Variants in APOB observed in about 807,000 individuals in gnomAD.
The protein encoded by APOB is apolipoprotein B, also known as apolipoprotein B-100.
A neutral mutation model predicts 314.1 loss-of-function variants in APOB; 153 were observed. That is an observed-to-expected ratio of 0.49 (90% CI 0.43 to 0.56). The LOEUF is 0.56. Ranked by LOEUF, APOB falls within the 20% of genes least tolerant of loss-of-function variation. The pLI is 0.00. For synonymous variants in APOB, 2,087 were observed against 2,036.4 expected, an observed-to-expected ratio of 1.02 and a Z score of -0.67; for missense variants, 5,430 against 5,350.7, an observed-to-expected ratio of 1.01 and a Z score of -0.46.
intron 27 of APOB, 48 bp downstream of exon 27, chr2:21,004,513 A>T (rs772889253): frequency 6.2e-7 from 1 of 1,612,538 alleles, no homozygotes; most frequent in South Asian, 1.1e-5. Context: ...GAAAATCACA[A>T]TGAGTTTTCA....
chr2:21,040,970 C>A lies in APOB; in HGVS notation c.351G>T (p.Lys117Asn). The A allele has an allele frequency of 3.7e-6, 6 of 1,614,082 alleles. No individual in the cohort carries two copies. Among genetic ancestry groups the A allele is most frequent in the Non-Finnish European group, 5.1e-6 (6 of 1,180,040 alleles). The change falls in exon 4 of 29, where the codon AAG (lysine) becomes AAT (asparagine). Residue 117 changes from lysine to asparagine, a missense_variant. Physicochemically the swap from Lys to Asn is moderately conservative, Grantham distance 94. Around this residue, in one of 3 missense-constraint regions of APOB, gnomAD observed 2,085 missense variants for 2,079.7 expected, o/e 1.00. Coordinates refer to ENST00000233242, the MANE Select transcript of APOB (RefSeq NM_000384.3). ...PEGKALLKKT[K>N]NSEEFAAAMS... ...TGGCTGCAGCAAACTCCTCAGAGTT[C>A]TTGGTTTTCTTCAGCAAGGCTTTGC...
At chr2:21,020,308 C>T (rs1663576160) in intron 18 of APOB, among the ~76,000 whole-genome samples, 1 of 152,192 alleles carries the variant, frequency 6.6e-6, no homozygotes. Flanking sequence ...TGCTTCCTTC[C>T]ACCTGCATTA....
In APOB at chr2:21,010,323, T is replaced by A; in HGVS notation, c.6545A>T (p.Asp2182Val). The change falls in exon 26 of 29, where the codon GAT becomes GTT. Residue 2182 changes from aspartate to valine, a missense_variant. Transcript: ENST00000233242. The part of the protein sequence containing the change: ...SQLQTYMIQF[D>V]QYIKDSYDLH... ...ATCATAACTATCTTTAATATACTGA[T>A]CAAATTGTATCATATATGTCTGCAG... 1 of 1,555,044 alleles carries A rather than the reference T, an allele frequency of 6.4e-7. No homozygotes were observed. Among genetic ancestry groups the A allele is most frequent in the Non-Finnish European group, 8.7e-7 (1 of 1,151,354 alleles).
chr2:21,026,291 G>A (rs181361816), intron 15 of APOB, among the ~76,000 whole-genome samples: 11 of 151,374 alleles, frequency 7.3e-5, no homozygotes, highest in African/African-American at 1.9e-4. Context: ...ACTGTCACCC[G>A]GGCTGGAGTG....
At chr2:21,030,963 T>C (rs907873764) in intron 10 of APOB, among the ~76,000 whole-genome samples, 2 of 152,132 alleles carry the variant, frequency 1.3e-5, no homozygotes, top group Non-Finnish European at 2.9e-5. Flanking sequence ...CAGTTGTTGG[T>C]GAGGATACAG....
rs768889458 is a variant in APOB, at chr2:21,024,990, C to A, written c.2379G>T (p.Gln793His). The change falls in exon 16 of 29, where the codon CAG becomes CAT. Residue 793 changes from glutamine (Q) to histidine (H), a missense_variant. Around this residue, in one of 3 missense-constraint regions of APOB, gnomAD observed 2,085 missense variants for 2,079.7 expected, o/e 1.00. Transcript: ENST00000233242. ...CCATCAGAAGCAGCTTTCCCAGGAG[C>A]TGGAGGTCATGGAGACTGGCAAAAC... ...ELGFASLHDLQLLGKLLLMGA... is the reference protein window; with the variant it reads ...ELGFASLHDLHLLGKLLLMGA... 6.2e-7 allele frequency: 1 copy of A among 1,614,228 alleles called. No homozygotes were observed. The highest frequency in any genetic ancestry group is 8.5e-7 in the Non-Finnish European group (1 of 1,180,038).
At chr2:21,017,364 A>C (rs1572789528) in intron 20 of APOB, among the ~76,000 whole-genome samples, 1 of 152,174 alleles carries the variant, frequency 6.6e-6, no homozygotes, top group African/African-American at 2.4e-5. Context: ...GATGGTAATG[A>C]ATGTTATGAA....
Position 21,009,418 on chromosome 2 carries a change from G to A in APOB, c.7450C>T (p.Leu2484=). Residue 2484 remains leucine, a synonymous_variant, in exon 26 of 29, where the codon CTA becomes TTA. Transcript: ENST00000233242. ...KATVAVYLES[L]QDTKITLIIN... is the part of the protein sequence containing the mutation. ...ATTAAGGTTATTTTGGTGTCCTGTA[G>A]GCTTTCCAGATACACTGCAACTGTG... The A allele has an allele frequency of 1.2e-6, 2 of 1,614,026 alleles. No homozygotes were observed. Among genetic ancestry groups the A allele is most frequent in the Non-Finnish European group, 8.5e-7 (1 of 1,179,958 alleles).
At position 21,016,500 on chromosome 2, in the gene APOB, T is replaced by C. The variant is rs368122382; in HGVS notation, c.3271A>G (p.Arg1091Gly). ...DESTEGKTSY[R>G]LTLDIQNKKI... is the part of the protein sequence containing the mutation. ...TTGTTCTGAATGTCCAGGGTGAGTC[T>C]GTAAGACGTTTTGCCCTCAGTAGAT... The change falls in exon 21 of 29, where the codon AGA becomes GGA. Residue 1091 changes from arginine (R) to glycine (G), a missense_variant. By Grantham distance (125) the Arg-to-Gly change is moderately radical. Transcript: ENST00000233242. The C allele has an allele frequency of 3.3e-5, 53 of 1,611,572 alleles. No homozygotes were observed. The highest frequency in any genetic ancestry group is 4.2e-5 in the Non-Finnish European group (50 of 1,177,774).
At position 21,043,856 on chromosome 2, in the gene APOB, G is replaced by A; in HGVS notation, c.82+8C>T. The A allele has an allele frequency of 6.6e-7, 1 of 1,520,782 alleles. No homozygotes were observed. The highest frequency in any genetic ancestry group is 8.8e-7 in the Non-Finnish European group (1 of 1,139,838). The allele number at this position is 1,520,782 out of a possible 1,614,324, so 94.2% of individuals were successfully genotyped here. ...CCCTCTGCGCCCGCAGAGCGGCCGC[G>A]CACTCACCGGCCCTGGCGCCCGCCA... On this transcript the variant is annotated splice_region_variant and intron_variant, in intron 1 of 28. Coordinates refer to ENST00000233242, the MANE Select transcript of APOB (RefSeq NM_000384.3).
intron 8 of APOB, 150 bp downstream of exon 8, chr2:21,034,666 A>T: frequency 1.4e-6 from 1 of 711,676 alleles, no homozygotes; most frequent in Admixed American, 1.9e-5. Flanking sequence ...TCATGAAATG[A>T]GTTTGCTTTC....
At position 21,014,461 on chromosome 2, in the gene APOB, G is replaced by C; in HGVS notation, c.3829C>G (p.Leu1277Val). 1 of 1,614,134 alleles carries C rather than the reference G, an allele frequency of 6.2e-7. No individual in the cohort carries two copies. The highest frequency in any genetic ancestry group is 8.5e-7 in the Non-Finnish European group (1 of 1,180,014). The change falls in exon 24 of 29, where the codon CTC becomes GTC. Residue 1277 changes from leucine (L) to valine (V), a missense_variant. Leu to Val is a conservative substitution (Grantham distance 32). This residue lies in a region of APOB where 2,085 missense variants were observed against 2,079.7 expected (regional missense o/e 1.00). Coordinates refer to ENST00000233242, the MANE Select transcript of APOB (RefSeq NM_000384.3). ...TTCTTCTTTTACCTTTTTAAGAAGAGGTTTTCTGGGATGTGGAAGTCTGGC... is the reference window on the plus strand; with the variant it reads ...TTCTTCTTTTACCTTTTTAAGAAGACGTTTTCTGGGATGTGGAAGTCTGGC... ...GLPDFHIPEN[L>V]FLKSDGRVKY...
rs746553266 is a variant in APOB, at chr2:21,014,558, A to T, written c.3732T>A (p.Ser1244Arg). Residue 1244 changes from serine to arginine, a missense_variant, in exon 24 of 29, where the codon AGT becomes AGA. Coordinates refer to ENST00000233242, the MANE Select transcript of APOB (RefSeq NM_000384.3). The part of the protein sequence containing the change: ...MSSWLQKASG[S>R]LPYTQTLQDH... ...CTTGCAAAGTCTGGGTATAAGGAAG[A>T]CTCCCAGATGCCTTCTGAAGCCATG... The T allele has an allele frequency of 6.2e-7, 1 of 1,613,862 alleles. No homozygotes were observed. The highest frequency in any genetic ancestry group is 1.1e-5 in the South Asian group (1 of 91,056).
chr2:21,013,213 C>A lies in APOB; in HGVS notation c.4163G>T (p.Arg1388Leu). 3 of 1,614,124 alleles carry A rather than the reference C, an allele frequency of 1.9e-6. No homozygotes were observed. The highest frequency in any genetic ancestry group is 2.5e-6 in the Non-Finnish European group (3 of 1,180,020). Residue 1388 changes from arginine (R) to leucine (L), a missense_variant, in exon 25 of 29, where the codon CGT (arginine) becomes CTT (leucine). Physicochemically the swap from Arg to Leu is moderately radical, Grantham distance 102. This residue lies in a region of APOB where 2,085 missense variants were observed against 2,079.7 expected (regional missense o/e 1.00). Transcript: ENST00000233242. ...TSTDHFSLRA[R>L]YHMKADSVVD... ...CACAGAGTCAGCCTTCATGTGGTAA[C>A]GAGCCCGAAGGCTGAAATGGTCTGT...
At position 21,005,624 on chromosome 2, in the gene APOB, C is replaced by T. The variant is rs72654406; in HGVS notation, c.11244G>A (p.Thr3748=). The change falls in exon 26 of 29, where the codon ACG becomes ACA. Residue 3748 remains threonine, a synonymous_variant. Transcript: ENST00000233242. ...GAAGATCTGTAAATGGGACATGGAA[C>T]GTAGGCATGACAAGAACTGAATTTA... The part of the protein sequence containing the change: ...NDLNSVLVMP[T]FHVPFTDLQV... 5.5e-5 allele frequency: 89 copies of T among 1,613,928 alleles called. No individual in the cohort carries two copies. The Middle Eastern group carries it at 6.6e-4, about 12-fold the overall frequency.
chr2:21,003,100 G>T lies in APOB; in HGVS notation c.12322C>A (p.Leu4108Met), dbSNP rs1357281301. 3 of 1,597,652 alleles carry T rather than the reference G, an allele frequency of 1.9e-6. No individual in the cohort carries two copies. The highest frequency in any genetic ancestry group is 2.6e-6 in the Non-Finnish European group (3 of 1,170,846). The stretch of plus-strand genomic sequence containing the variant: ...TAAACCCACTCAGCATTGTTCTGCA[G>T]ATTTCTTCTCAGCTTTGAAGACACT... The part of the protein sequence containing the change: ...REVSSKLRRN[L>M]QNNAEWVYQG... Residue 4108 changes from leucine (L) to methionine (M), a missense_variant, in exon 29 of 29, where the codon CTG becomes ATG. Transcript: ENST00000233242.
chr2:21,007,816 T>G lies in APOB; in HGVS notation c.9052A>C (p.Thr3018Pro). 1 of 1,614,090 alleles carries G rather than the reference T, an allele frequency of 6.2e-7. No homozygotes were observed. The highest frequency in any genetic ancestry group is 8.5e-7 in the Non-Finnish European group (1 of 1,179,956). Reference protein sequence around the residue: ...ALFGEGKAEFTGRHDAHLNGK... With the variant: ...ALFGEGKAEFPGRHDAHLNGK... ...TTTAAATGAGCATCATGCCTCCCAG[T>G]AAACTCTGCCTTCCCTTCTCCAAAC... The change falls in exon 26 of 29, where the codon ACT becomes CCT. Residue 3018 changes from threonine (T) to proline (P), a missense_variant. Physicochemically the swap from Thr to Pro is conservative, Grantham distance 38. Transcript: ENST00000233242.
chr2:21,029,956 A>G lies in APOB; in HGVS notation c.1412T>C (p.Met471Thr). 6.2e-7 allele frequency: 1 copy of G among 1,614,166 alleles called. No homozygotes were observed. Residue 471 changes from methionine to threonine, a missense_variant, in exon 11 of 29, where the codon ATG becomes ACG. Around this residue, in one of 3 missense-constraint regions of APOB, gnomAD observed 2,085 missense variants for 2,079.7 expected, o/e 1.00. Coordinates refer to ENST00000233242, the MANE Select transcript of APOB (RefSeq NM_000384.3). ...AGTGCAGTCATCTTGAATCTGTTCC[A>G]TCAGGTAATTAGCAATGTCCAGCAG... ...QELLDIANYL[M>T]EQIQDDCTGD... is the part of the protein sequence containing the mutation.
At chr2:21,034,794 C>A in intron 8 of APOB, 22 bp downstream of exon 8, 1 of 1,425,256 alleles carries the variant, frequency 7.0e-7, no homozygotes, top group South Asian at 1.1e-5. Flanking sequence ...TTTCCAGCAA[C>A]TATGTGGACA....
Sources: gnomAD v4.1 joint callset for allele counts (sites outside exome capture counted in the v4.1 genomes callset) on GRCh38, gnomAD v4.1.1 for gene constraint, gnomAD v4.1.1 regional missense constraint, MANE v1.5 for transcripts, NCBI Gene and HGNC (gene_info 2026-07-23, HGNC 2026-07-21) for gene names.